The following PLA2G2C variants were observed in gnomAD, a reference collection of about 807,000 sequenced individuals.
The protein encoded by PLA2G2C is phospholipase A2 group IIC, also known as putative inactive group IIC secretory phospholipase A2.
Under a neutral mutation model 14.3 loss-of-function variants are expected in PLA2G2C, and 15 were observed. The observed-to-expected ratio is 1.05, with a 90% confidence interval of 0.70 to 1.62. PLA2G2C has a LOEUF of 1.62. PLA2G2C is among the 40% of genes most tolerant of loss of function. The pLI, the probability that PLA2G2C is intolerant of heterozygous loss-of-function variation, is 0.00. For missense variants in PLA2G2C, 162 were observed against 173.2 expected (o/e 0.94, Z 0.36); for synonymous variants, 79 against 67.7 (o/e 1.17, Z -0.82).
At chr1:20,164,423 T>A (rs1187849444) in intron 4 of PLA2G2C, among the ~76,000 whole-genome samples, 3 of 152,200 alleles carry the variant, frequency 2.0e-5, no homozygotes, top group Non-Finnish European at 4.4e-5. Context: ...TGTGTGTGCG[T>A]GTGCATGTGT....
chr1:20,176,002 C>A (rs754530970), intron 2 of PLA2G2C, among the ~76,000 whole-genome samples: 1 of 150,062 alleles, frequency 6.7e-6, no homozygotes, highest in Middle Eastern at 3.2e-3. Context: ...CTCCGCCTCC[C>A]GGGTTCAGGC....
chr1:20,169,289 T>C (rs561343154), intron 4 of PLA2G2C, among the ~76,000 whole-genome samples: 86 of 152,252 alleles, frequency 5.6e-4, no homozygotes, highest in African/African-American at 2.0e-3. Context: ...GTGATCCTCC[T>C]ATCTCAGCCT....
At chr1:20,172,052 C>G (rs1340134982) in intron 4 of PLA2G2C, among the ~76,000 whole-genome samples, 2 of 152,062 alleles carry the variant, frequency 1.3e-5, no homozygotes, top group Non-Finnish European at 2.9e-5. Context: ...CGTGAGCCAC[C>G]GCGCCCGGCC....
In PLA2G2C at chr1:20,164,094, TTGTCACAC is replaced by T. The variant is rs746564895; in HGVS notation, c.339_346del (p.Cys114AlafsTer14). 9.9e-6 allele frequency: 16 copies of T among 1,613,844 alleles called. No individual in the cohort carries two copies. The African/African-American group carries it at 2.1e-4, about 22-fold the overall frequency. On this transcript the variant is annotated frameshift_variant, in exon 5 of 5. Coordinates refer to ENST00000679259, the MANE Select transcript of PLA2G2C (RefSeq NM_001367969.2). LOFTEE classifies it high-confidence loss of function. ...CTCTTTGAAGCAGTGCACGGATTGC[TTGTCACAC>T]TCACAGGCCTTCAGCCTGCAGTGGC...
rs763404452 is a variant in PLA2G2C, at chr1:20,172,787, T to C, written c.283+7A>G. ...AAAGACATTTCCATACAGAAAAGGC[T>C]ACTCACAAACCACTGCGCCATTGAC... On this transcript the variant is annotated splice_region_variant and intron_variant, in intron 4 of 4. Coordinates refer to ENST00000679259, the MANE Select transcript of PLA2G2C (RefSeq NM_001367969.2). 8.1e-6 allele frequency: 13 copies of C among 1,609,854 alleles called. No homozygotes were observed. Among genetic ancestry groups the C allele is most frequent in the Non-Finnish European group, 1.0e-5 (12 of 1,177,078 alleles).
At chr1:20,177,051 A>AG (rs1333587181) in intron 2 of PLA2G2C, among the ~76,000 whole-genome samples, 1 of 152,222 alleles carries the variant, frequency 6.6e-6, no homozygotes, top group Non-Finnish European at 1.5e-5. Flanking sequence ...CTTGAGGGTG[A>AG]GGGGGGTAAA....
chr1:20,172,421 C>T (rs2301472), intron 4 of PLA2G2C, among the ~76,000 whole-genome samples: 18,085 of 152,150 alleles, frequency 0.12, 1,595 homozygotes, highest in East Asian at 0.48. Flanking sequence ...AAATATTTGT[C>T]CAACTGGAAG....
Position 20,177,418 on chromosome 1 carries a change from G to T in PLA2G2C, c.-55C>A. On this transcript the variant is annotated 5_prime_UTR_variant, in exon 2 of 5. It introduces an in-frame stop codon into an upstream open reading frame of the 5' UTR. Coordinates refer to ENST00000679259, the MANE Select transcript of PLA2G2C (RefSeq NM_001367969.2). The stretch of plus-strand genomic sequence containing the variant: ...TACAGCCACGCCTTCACCTGTGTGT[G>T]AGGGGTCTCCCAGCTGAACCTCTGT... 1.6e-6 allele frequency: 1 copy of T among 627,964 alleles called. No individual in the cohort carries two copies. The highest frequency in any genetic ancestry group is 1.8e-5 in the South Asian group (1 of 55,964). 38.9% of individuals were successfully genotyped at this position (627,964 alleles called of 1,614,324 possible).
intron 4 of PLA2G2C, among the ~76,000 whole-genome samples, chr1:20,165,822 TGTGC>T (rs1205276390): frequency 2.6e-5 from 4 of 152,254 alleles, no homozygotes; most frequent in East Asian, 3.9e-4. Context: ...TGTGTGTGTG[TGTGC>T]GCGCGCGCAT....
At chr1:20,167,772 T>C (rs2018001984) in intron 4 of PLA2G2C, among the ~76,000 whole-genome samples, 1 of 152,160 alleles carries the variant, frequency 6.6e-6, no homozygotes, top group Non-Finnish European at 1.5e-5. Flanking sequence ...TCCCCAAGGC[T>C]CCTCTGCTCC....
intron 4 of PLA2G2C, among the ~76,000 whole-genome samples, chr1:20,165,369 CTG>C (rs1273198481): frequency 6.6e-6 from 1 of 152,234 alleles, no homozygotes; most frequent in African/African-American, 2.4e-5. Flanking sequence ...GTCTCACTCA[CTG>C]TGCTTTTTAC....
At chr1:20,172,330 G>T (rs767843305) in intron 4 of PLA2G2C, among the ~76,000 whole-genome samples, 2 of 152,020 alleles carry the variant, frequency 1.3e-5, no homozygotes, top group African/African-American at 4.8e-5. Context: ...TAACATGTGA[G>T]TCCCCCTTCC....
intron 1 of PLA2G2C, among the ~76,000 whole-genome samples, chr1:20,181,083 C>A (rs1056912157): frequency 2.6e-5 from 4 of 152,220 alleles, no homozygotes; most frequent in African/African-American, 9.6e-5. Flanking sequence ...ATATATCACA[C>A]TTATGCCTTG....
intron 4 of PLA2G2C, among the ~76,000 whole-genome samples, chr1:20,170,629 A>G (rs972508290): frequency 1.3e-5 from 2 of 151,240 alleles, no homozygotes; most frequent in Non-Finnish European, 3.0e-5. Flanking sequence ...TCCTGGGGGC[A>G]GGGGCTTGGC....
chr1:20,185,693 TC>T (rs1444215158), intron 1 of PLA2G2C, among the ~76,000 whole-genome samples: 4 of 152,090 alleles, frequency 2.6e-5, no homozygotes, highest in Admixed American at 2.6e-4. Flanking sequence ...AGTTTAGGGT[TC>T]CGAGAATCCA....
In PLA2G2C at chr1:20,186,344, C is replaced by G. The variant is rs957499230; in HGVS notation, c.-77+16G>C. 1.3e-5 allele frequency: 2 copies of G among 152,284 alleles called. No individual in the cohort carries two copies. The highest frequency in any genetic ancestry group is 1.5e-5 in the Non-Finnish European group (1 of 68,102). The allele number at this position is 152,284 out of a possible 1,614,324, so 9.4% of individuals were successfully genotyped here. ...AAGTCTGCTCCCGAGGCAAAGCAAG[C>G]CTGGCCAGAGCTCACCTTTACCAAA... is the stretch of plus-strand genomic sequence containing the variant. On this transcript the variant is annotated intron_variant, in intron 1 of 4. Coordinates refer to ENST00000679259, the MANE Select transcript of PLA2G2C (RefSeq NM_001367969.2).
At chr1:20,172,997 G>A in intron 3 of PLA2G2C, 100 bp from the exon 4 acceptor site, 1 of 791,232 alleles carries the variant, frequency 1.3e-6, no homozygotes, top group Non-Finnish European at 2.1e-6. Context: ...TTGAAGGTGA[G>A]GAGGTGAATT....
At chr1:20,165,076 G>T (rs984702753) in intron 4 of PLA2G2C, among the ~76,000 whole-genome samples, 1 of 152,208 alleles carries the variant, frequency 6.6e-6, no homozygotes, top group South Asian at 2.1e-4. Context: ...TTGCCGGGAT[G>T]CCACCCTCAC....
At chr1:20,173,306 A>G (rs988825807) in intron 3 of PLA2G2C, among the ~76,000 whole-genome samples, 9 of 151,904 alleles carry the variant, frequency 5.9e-5, no homozygotes, top group East Asian at 1.9e-4. Flanking sequence ...ATAGAGCAAG[A>G]CCCCGTCTCC....
Sources: gnomAD v4.1 joint callset for allele counts (sites outside exome capture counted in the v4.1 genomes callset) on GRCh38, gnomAD v4.1.1 for gene constraint, MANE v1.5 for transcripts, NCBI Gene and HGNC (gene_info 2026-07-23, HGNC 2026-07-21) for gene names.